C19orf38: variants seen among roughly 807,000 people sequenced by gnomAD.
C19orf38 encodes protein HIDE1.
Under a neutral mutation model 26.6 loss-of-function variants are expected in C19orf38, and 14 were observed. That is an observed-to-expected ratio of 0.53 (90% CI 0.35 to 0.82). C19orf38 has a LOEUF of 0.82. C19orf38 is among the 40% of genes least tolerant of loss of function. The pLI is 0.01. For missense variants in C19orf38, 261 were observed against 299.5 expected (o/e 0.87, Z 0.95); for synonymous variants, 132 against 128.5 (o/e 1.03, Z -0.18).
intron 1 of C19orf38, among the ~76,000 whole-genome samples, chr19:10,837,923 C>A (rs1307262849): frequency 6.6e-6 from 1 of 152,062 alleles, no homozygotes; most frequent in East Asian, 1.9e-4. Context: ...CCTCAGCCTC[C>A]TGAGTAGCTG....
intron 6 of C19orf38, among the ~76,000 whole-genome samples, chr19:10,866,714 A>G (rs2073755951): frequency 1.3e-5 from 2 of 151,298 alleles, no homozygotes; most frequent in South Asian, 2.1e-4. Flanking sequence ...CAGTGGTGCC[A>G]TCTGCAGCCT....
At chr19:10,863,556 C>T (rs1246955262) in intron 6 of C19orf38, among the ~76,000 whole-genome samples, 1 of 152,160 alleles carries the variant, frequency 6.6e-6, no homozygotes, top group Non-Finnish European at 1.5e-5. Flanking sequence ...CTGGTGGCCT[C>T]TCATAGAGGC....
At chr19:10,849,226 C>T (rs2073544996) in intron 1 of C19orf38, among the ~76,000 whole-genome samples, 1 of 151,862 alleles carries the variant, frequency 6.6e-6, no homozygotes, top group Non-Finnish European at 1.5e-5. Flanking sequence ...TCACTGTGTT[C>T]TCCAGGCTAG....
At chr19:10,851,829 G>A (rs1272369848) in intron 2 of C19orf38, among the ~76,000 whole-genome samples, 2 of 151,898 alleles carry the variant, frequency 1.3e-5, no homozygotes, top group African/African-American at 2.4e-5. Flanking sequence ...TTAGCCGGGC[G>A]CGGTGGCGGG....
intron 5 of C19orf38, among the ~76,000 whole-genome samples, chr19:10,860,874 G>A (rs1231184701): frequency 2.7e-5 from 4 of 148,478 alleles, no homozygotes; most frequent in Non-Finnish European, 4.4e-5. Flanking sequence ...GCCAGGCACG[G>A]TGGCTCACGC....
At chr19:10,862,717 C>CTA (rs2073713135) in intron 5 of C19orf38, among the ~76,000 whole-genome samples, 1 of 151,994 alleles carries the variant, frequency 6.6e-6, no homozygotes, top group Non-Finnish European at 1.5e-5. Flanking sequence ...GTAATCCCAG[C>CTA]TATTAGGAGG....
At chr19:10,850,070 AAAAAAG>A (rs2073553725) in intron 1 of C19orf38, among the ~76,000 whole-genome samples, 183 bp from the exon 2 acceptor site, 1 of 152,106 alleles carries the variant, frequency 6.6e-6, no homozygotes, top group South Asian at 2.1e-4. Context: ...CAAAAAAAAG[AAAAAAG>A]AAAAGTAATT....
intron 1 of C19orf38, chr19:10,841,745 G>C (rs2073479439): frequency 1.4e-6 from 1 of 702,448 alleles, no homozygotes; most frequent in South Asian, 1.7e-5. Flanking sequence ...GGCCAAGTTG[G>C]GAGGATCTCT....
At position 10,856,486 on chromosome 19, in the gene C19orf38, A is replaced by T. The variant is rs191909101; in HGVS notation, c.433+129A>T. 157 of 550,894 alleles carry T rather than the reference A, an allele frequency of 2.8e-4. 3 individuals are homozygous for T. The highest frequency in any genetic ancestry group is 2.8e-3 in the African/African-American group (143 of 51,144). 34.1% of individuals were successfully genotyped at this position (550,894 alleles called of 1,614,324 possible). On this transcript the variant is annotated intron_variant, in intron 3 of 6. Coordinates refer to ENST00000397820, the MANE Select transcript of C19orf38 (RefSeq NM_001136482.3). ...GTAATTTGTTCATCACACCCCTTTT[A>T]AAAGTATTTATTTATTTATTTATTA...
chr19:10,847,562 G>A (rs1437776880), upstream of C19orf38, among the ~76,000 whole-genome samples: 1 of 151,450 alleles, frequency 6.6e-6, no homozygotes, highest in African/African-American at 2.4e-5. Context: ...TAGTAGAGAC[G>A]GGGTTTCACC....
intron 5 of C19orf38, among the ~76,000 whole-genome samples, chr19:10,860,440 A>G (rs2073685516): frequency 6.7e-6 from 1 of 148,934 alleles, no homozygotes; most frequent in Non-Finnish European, 1.5e-5. Context: ...AGGCTGAGGC[A>G]AGGAGAATCA....
intron 1 of C19orf38, among the ~76,000 whole-genome samples, chr19:10,837,759 G>C (rs956671821): frequency 6.6e-6 from 1 of 151,174 alleles, no homozygotes; most frequent in Admixed American, 6.6e-5. Flanking sequence ...CATCCACCTC[G>C]GCCTCCCAAA....
intron 1 of C19orf38, among the ~76,000 whole-genome samples, chr19:10,837,503 C>CTTTTT (rs958209460): frequency 1.4e-4 from 13 of 93,612 alleles, no homozygotes; most frequent in Non-Finnish European, 2.0e-4. Context: ...TTTTTTTTTC[C>CTTTTT]TTTTTTTTTT....
At chr19:10,844,993 CA>C (rs57500129), upstream of C19orf38, among the ~76,000 whole-genome samples, 563 of 95,688 alleles carry the variant, frequency 5.9e-3, 4 homozygotes, top group African/African-American at 6.2e-3. Flanking sequence ...CCTTTCTCTA[CA>C]AAAAAAAAAA....
chr19:10,867,353 C>A (rs2073761867), intron 6 of C19orf38, among the ~76,000 whole-genome samples: 1 of 151,250 alleles, frequency 6.6e-6, no homozygotes. Context: ...GCCTATAATG[C>A]CAGCACTTTG....
At chr19:10,837,503 C>CATTTTTTTT (rs2073443539) in intron 1 of C19orf38, among the ~76,000 whole-genome samples, 1 of 93,634 alleles carries the variant, frequency 1.1e-5, no homozygotes, top group African/African-American at 4.1e-5. Flanking sequence ...TTTTTTTTTC[C>CATTTTTTTT]TTTTTTTTTT....
Position 10,859,376 on chromosome 19 carries a change from ATATATATATTT to A in C19orf38, c.462-537_462-527del, listed in dbSNP as rs1452275419. 8.0e-3 allele frequency among the ~76,000 whole-genome samples: 336 copies of A among 42,260 alleles called. 9 individuals are homozygous for A. The highest frequency in any genetic ancestry group is 0.051 in the East Asian group (32 of 632). The allele number at this position is 42,260 out of a possible 152,430, so 27.7% of individuals were successfully genotyped here. ...TATATATATATATATATATATATAT[ATATATATATTT>A]TTTTTTTTTTTTTTAGACGGAGTCT... On this transcript the variant is annotated intron_variant, in intron 4 of 6. Coordinates refer to ENST00000397820, the MANE Select transcript of C19orf38 (RefSeq NM_001136482.3).
chr19:10,860,637 C>G (rs539614953), intron 5 of C19orf38, among the ~76,000 whole-genome samples: 6 of 146,584 alleles, frequency 4.1e-5, no homozygotes, highest in Non-Finnish European at 8.9e-5. Context: ...GTCAGGAGAT[C>G]GAGACCATCC....
chr19:10,862,930 C>A (rs1771437265), intron 5 of C19orf38, among the ~76,000 whole-genome samples: 1 of 150,656 alleles, frequency 6.6e-6, no homozygotes, highest in South Asian at 2.1e-4. Flanking sequence ...AGATAAGACA[C>A]CCATTTTCCT....
Sources: allele counts gnomAD v4.1 joint callset (sites outside exome capture counted in the v4.1 genomes callset), GRCh38; gene constraint gnomAD v4.1.1; transcripts MANE v1.5; gene names NCBI Gene and HGNC (gene_info 2026-07-23, HGNC 2026-07-21).